Variants in TMEM255B observed in about 807,000 individuals in gnomAD.
TMEM255B encodes family with sequence similarity 70, member B.
In TMEM255B, 35 loss-of-function variants were observed where a neutral mutation model predicts 34.5. That is an observed-to-expected ratio of 1.01 (90% confidence interval 0.77 to 1.34). The LOEUF is 1.34. TMEM255B is among the 40% of genes most tolerant of loss of function. TMEM255B has a pLI of 0.00. For missense variants in TMEM255B, 432 were observed against 433.2 expected, an observed-to-expected ratio of 1.00 and a Z score of 0.02; for synonymous variants, 206 against 201.2, an observed-to-expected ratio of 1.02 and a Z score of -0.20.
chr13:113,764,474 A>G (rs2050357136), intron 1 of TMEM255B, among the ~76,000 whole-genome samples: 1 of 152,100 alleles, frequency 6.6e-6, no homozygotes, highest in Non-Finnish European at 1.5e-5. Flanking sequence ...TTTCAGAAGG[A>G]GGGCCTCACT....
intron 5 of TMEM255B, chr13:113,799,741 C>A: frequency 7.1e-6 from 5 of 706,414 alleles, no homozygotes; most frequent in Non-Finnish European, 1.1e-5. Flanking sequence ...AAGGATAATA[C>A]ATTTACAGTG....
chr13:113,760,054 CA>C (rs778788087), intron 1 of TMEM255B, among the ~76,000 whole-genome samples: 2 of 152,080 alleles, frequency 1.3e-5, no homozygotes, highest in Non-Finnish European at 2.9e-5. Context: ...GATTTCAGAA[CA>C]AAAGAGAAAC....
chr13:113,786,185 C>T (rs1271061391), intron 3 of TMEM255B, among the ~76,000 whole-genome samples: 1 of 152,146 alleles, frequency 6.6e-6, no homozygotes, highest in African/African-American at 2.4e-5. Context: ...TCTTTACTAT[C>T]CCCGCTGTCA....
chr13:113,801,373 C>T (rs998874088), intron 6 of TMEM255B, among the ~76,000 whole-genome samples: 1 of 152,218 alleles, frequency 6.6e-6, no homozygotes, highest in Non-Finnish European at 1.5e-5. Context: ...TCAGCCGGGG[C>T]CCAGACACCC....
rs2050458451 is a variant in TMEM255B at position 113,770,395 on chromosome 13, G to A, written c.252+1235G>A. On this transcript the variant is annotated intron_variant, in intron 3 of 8. Transcript: ENST00000375353. This position sits in a 1 kb window ranked among gnomAD's most constrained non-coding sequence, Gnocchi z 4.6. ...AGGATCCAAGATGAGATTTGGGTGA[G>A]GACACAGCCAAACCATATCACCCCG... is the stretch of plus-strand genomic sequence containing the variant. 6.6e-6 allele frequency among the ~76,000 whole-genome samples: 1 copy of A among 152,130 alleles called. No individual in the cohort carries two copies. Among genetic ancestry groups the A allele is most frequent in the Non-Finnish European group, 1.5e-5 (1 of 68,032 alleles).
intron 3 of TMEM255B, among the ~76,000 whole-genome samples, chr13:113,789,432 G>C (rs1177473367): frequency 6.6e-6 from 1 of 152,144 alleles, no homozygotes; most frequent in Non-Finnish European, 1.5e-5. Flanking sequence ...GCACGTTCTA[G>C]GTCACAAAAA....
chr13:113,768,769 G>A, intron 2 of TMEM255B: 1 of 460,010 alleles, frequency 2.2e-6, no homozygotes, highest in Admixed American at 2.4e-5. Context: ...CGGGACAGAT[G>A]GTGGTGCTTG....
intron 2 of TMEM255B, 140 bp from the exon 3 acceptor site, chr13:113,768,958 G>T: frequency 1.2e-6 from 1 of 855,966 alleles, no homozygotes. Flanking sequence ...CTCAGTGGTT[G>T]AGGTTCTTGA....
chr13:113,800,864 A>C lies in TMEM255B; in HGVS notation c.461A>C (p.Lys154Thr). The C allele has an allele frequency of 1.2e-6, 2 of 1,610,676 alleles. No individual in the cohort carries two copies. Among genetic ancestry groups the C allele is most frequent in the South Asian group, 2.2e-5 (2 of 90,252 alleles). ...CHSLDGKCQL[K>T]VRSNTCYCCD... is the part of the protein sequence containing the mutation. ...TCCCTGGACGGCAAGTGCCAGCTGAAGGTGAGAAGCAACACCTGTTACTGC... is the reference window on the plus strand; with the variant it reads ...TCCCTGGACGGCAAGTGCCAGCTGACGGTGAGAAGCAACACCTGTTACTGC... Residue 154 changes from lysine (K) to threonine (T), a missense_variant, in exon 6 of 9, where the codon AAG becomes ACG. Lys to Thr is a moderately conservative substitution (Grantham distance 78, BLOSUM62 -1). Transcript: ENST00000375353.
intron 8 of TMEM255B, among the ~76,000 whole-genome samples, chr13:113,810,521 C>A (rs1426229268): frequency 1.3e-5 from 2 of 152,128 alleles, no homozygotes; most frequent in Non-Finnish European, 2.9e-5. Context: ...CAGGTACCTA[C>A]ATATGAAGAG....
At position 113,799,610 on chromosome 13, in the gene TMEM255B, C is replaced by T. The variant is rs1323479179; in HGVS notation, c.423+191C>T. 25 of 640,758 alleles carry T rather than the reference C, an allele frequency of 3.9e-5. No individual in the cohort carries two copies. In the Admixed American group the frequency reaches 5.3e-4, roughly 14 times the overall value. The allele number at this position is 640,758 out of a possible 1,614,324, so 39.7% of individuals were successfully genotyped here. On this transcript the variant is annotated intron_variant, in intron 5 of 8. Coordinates refer to ENST00000375353, the MANE Select transcript of TMEM255B (RefSeq NM_182614.4). ...TGACATTTCGATGTGCTGTATTTCA[C>T]TCTGGAGTCAGAGTTCTGGACTTGC... is the stretch of plus-strand genomic sequence containing the variant.
chr13:113,799,611 T>C (rs547784753), intron 5 of TMEM255B, 192 bp downstream of exon 5: 2 of 640,408 alleles, frequency 3.1e-6, no homozygotes, highest in East Asian at 5.5e-5. Flanking sequence ...TGTATTTCAC[T>C]CTGGAGTCAG....
chr13:113,774,232 G>C (rs1034115225), intron 3 of TMEM255B, among the ~76,000 whole-genome samples: 1 of 152,134 alleles, frequency 6.6e-6, no homozygotes, highest in Admixed American at 6.5e-5. Flanking sequence ...CTGATCATTA[G>C]GAATGGCTTC....
Position 113,812,098 on chromosome 13 carries a change from G to GA in TMEM255B, c.*195_*196insA. On this transcript the variant is annotated 3_prime_UTR_variant, in exon 9 of 9. Transcript: ENST00000375353. ...CAGGGAGTGGGGCCCTCCAGACCCA[G>GA]GCTGGTGACACCTTGGCTTGGGCTC... The GA allele has an allele frequency of 1.5e-6, 1 of 673,130 alleles. No homozygotes were observed. The highest frequency in any genetic ancestry group is 2.4e-6 in the Non-Finnish European group (1 of 410,822). The allele number at this position is 673,130 out of a possible 1,614,324, so 41.7% of individuals were successfully genotyped here.
intron 3 of TMEM255B, among the ~76,000 whole-genome samples, chr13:113,776,826 T>C (rs1430180384): frequency 6.6e-6 from 1 of 152,114 alleles, no homozygotes; most frequent in African/African-American, 2.4e-5. Context: ...GACGCCCTGG[T>C]GAGCAGGAAA....
chr13:113,780,277 TC>T (rs967668439), intron 3 of TMEM255B, among the ~76,000 whole-genome samples: 16 of 152,218 alleles, frequency 1.1e-4, no homozygotes, highest in African/African-American at 2.2e-4. Flanking sequence ...AGCACATCAT[TC>T]CAACCAAAGT....
At position 113,759,445 on chromosome 13, in the gene TMEM255B, C is replaced by T. The variant is rs185505331; in HGVS notation, c.46+130C>T. ...GACGCGGCACGGGGTCTGGTCCCTC[C>T]GCCTCCTTCGAGCTCTGTCTTTGGA... is the stretch of plus-strand genomic sequence containing the variant. On this transcript the variant is annotated intron_variant, in intron 1 of 8. Transcript: ENST00000375353. 1,015 of 819,020 alleles carry T rather than the reference C, an allele frequency of 1.2e-3. 4 individuals are homozygous for T. In the African/African-American group the frequency reaches 0.017, roughly 13 times the overall value. 50.7% of individuals were successfully genotyped at this position (819,020 alleles called of 1,614,324 possible).
Position 113,806,074 on chromosome 13 carries a change from C to T in TMEM255B, c.813+1046C>T, listed in dbSNP as rs1293693472. On this transcript the variant is annotated intron_variant, in intron 8 of 8. Coordinates refer to ENST00000375353, the MANE Select transcript of TMEM255B (RefSeq NM_182614.4). The surrounding 1 kb of genome is among the most constrained non-coding windows in gnomAD (Gnocchi z 4.2). Reference sequence around the variant, plus strand: ...TCTTCAGATATTCCACAAGAGGACCCTCTCCCGACACATGACGTTGTCAGG... The same window carrying T: ...TCTTCAGATATTCCACAAGAGGACCTTCTCCCGACACATGACGTTGTCAGG... Among the ~76,000 whole-genome samples the T allele has an allele frequency of 6.6e-6, 1 of 152,202 alleles. No homozygotes were observed. The highest frequency in any genetic ancestry group is 1.5e-5 in the Non-Finnish European group (1 of 68,040).
chr13:113,784,889 T>G (rs1039484716), intron 3 of TMEM255B, among the ~76,000 whole-genome samples: 15 of 151,338 alleles, frequency 9.9e-5, no homozygotes, highest in Admixed American at 3.3e-4. Flanking sequence ...GCACCAAATG[T>G]AAGAGTTAAA....
Sources: gnomAD v4.1 joint callset for allele counts (sites outside exome capture counted in the v4.1 genomes callset) on GRCh38, gnomAD v4.1.1 for gene constraint, Gnocchi (gnomAD v3.1) non-coding constraint, MANE v1.5 for transcripts, NCBI Gene and HGNC (gene_info 2026-07-23, HGNC 2026-07-21) for gene names.